DRD3: variants seen among roughly 807,000 people sequenced by gnomAD.
DRD3 encodes D(3) dopamine receptor.
Under a neutral mutation model 36.3 loss-of-function variants are expected in DRD3, and 19 were observed. The observed-to-expected ratio is 0.52, with a 90% CI of 0.36 to 0.77. The LOEUF (loss-of-function observed/expected upper bound fraction) is 0.77, where lower values mean the gene tolerates loss of function less well. Ranked by LOEUF, DRD3 falls within the 30% of genes least tolerant of loss-of-function variation. DRD3 has a pLI of 0.00. For missense variants in DRD3, 465 were observed against 505.3 expected (o/e 0.92, Z 0.77); for synonymous variants, 195 against 203.7 (o/e 0.96, Z 0.36).
At chr3:114,174,440 A>G (rs1218489705) in intron 1 of DRD3, among the ~76,000 whole-genome samples, 1 of 152,196 alleles carries the variant, frequency 6.6e-6, no homozygotes, top group African/African-American at 2.4e-5. Context: ...TACTCTGCCA[A>G]GAGGTTTGAC....
intron 2 of DRD3, among the ~76,000 whole-genome samples, chr3:114,171,165 T>C (rs1210585046): frequency 6.6e-6 from 1 of 152,206 alleles, no homozygotes; most frequent in Non-Finnish European, 1.5e-5. Flanking sequence ...TCTGTTCCTT[T>C]GGTAGCAGAG....
chr3:114,141,524 G>C (rs562349633), intron 4 of DRD3, among the ~76,000 whole-genome samples: 70 of 152,134 alleles, frequency 4.6e-4, no homozygotes, highest in African/African-American at 1.6e-3. Context: ...ATCTGAAATG[G>C]GAATTTGGAG....
intron 3 of DRD3, among the ~76,000 whole-genome samples, chr3:114,153,553 G>A (rs1287918798): frequency 3.3e-5 from 5 of 152,186 alleles, no homozygotes; most frequent in African/African-American, 1.2e-4. Flanking sequence ...TGAGGTAGTT[G>A]TTATTATCTC....
intron 1 of DRD3, among the ~76,000 whole-genome samples, chr3:114,185,850 A>G (rs2077972311): frequency 6.6e-6 from 1 of 151,958 alleles, no homozygotes; most frequent in Non-Finnish European, 1.5e-5. Flanking sequence ...TATTTTATTT[A>G]TTTATTTATA....
chr3:114,190,073 A>G (rs1487477386), intron 1 of DRD3, among the ~76,000 whole-genome samples: 1 of 152,086 alleles, frequency 6.6e-6, no homozygotes, highest in Non-Finnish European at 1.5e-5. Context: ...ATTCTTTTTG[A>G]AAATTCACTC....
chr3:114,171,621 TC>T, intron 2 of DRD3, 101 bp downstream of exon 2: 2 of 1,400,018 alleles, frequency 1.4e-6, no homozygotes. Context: ...CTTCCTCAGT[TC>T]CTGACTGTCT....
chr3:114,184,588 T>C (rs1315738294), intron 1 of DRD3, among the ~76,000 whole-genome samples: 1 of 152,012 alleles, frequency 6.6e-6, no homozygotes, highest in Non-Finnish European at 1.5e-5. Flanking sequence ...CCTTGAATAT[T>C]TCTTGCAGGG....
rs906308189 is a variant in DRD3 at position 114,128,513 on chromosome 3, T to C, written c.*203A>G. On this transcript the variant is annotated 3_prime_UTR_variant, in exon 7 of 7. Coordinates refer to ENST00000383673, the MANE Select transcript of DRD3 (RefSeq NM_000796.6). ...AAGCTCCCCAGTCATTTGAAGATTGTCAGAATGAAGTCAGATTTTAGCTGG... is the reference window on the plus strand; with the variant it reads ...AAGCTCCCCAGTCATTTGAAGATTGCCAGAATGAAGTCAGATTTTAGCTGG... The C allele has an allele frequency of 2.2e-6, 1 of 447,298 alleles. No homozygotes were observed. The highest frequency in any genetic ancestry group is 2.0e-5 in the African/African-American group (1 of 50,662). 27.7% of individuals were successfully genotyped at this position (447,298 alleles called of 1,614,324 possible).
intron 5 of DRD3, among the ~76,000 whole-genome samples, chr3:114,137,221 C>T (rs1047608005): frequency 6.6e-6 from 1 of 152,162 alleles, no homozygotes; most frequent in Non-Finnish European, 1.5e-5. Context: ...TCTCTATGAT[C>T]AGACATGGCC....
chr3:114,151,742 G>T (rs541672264), intron 3 of DRD3, among the ~76,000 whole-genome samples: 29 of 152,176 alleles, frequency 1.9e-4, no homozygotes, highest in Non-Finnish European at 4.0e-4. Context: ...TGAGCCCAAG[G>T]TTCTGCAGCA....
chr3:114,143,816 T>A (rs2077547927), intron 4 of DRD3, among the ~76,000 whole-genome samples: 1 of 152,250 alleles, frequency 6.6e-6, no homozygotes, highest in Non-Finnish European at 1.5e-5. Context: ...TTCTTAACTT[T>A]AAGTTTCTCC....
chr3:114,158,998 C>T (rs781122056), intron 3 of DRD3, among the ~76,000 whole-genome samples: 6 of 151,860 alleles, frequency 4.0e-5, no homozygotes, highest in Admixed American at 2.6e-4. Flanking sequence ...AAATCTCAGG[C>T]TCAGGCAGAG....
At chr3:114,137,862 A>T (rs1180460323) in intron 5 of DRD3, among the ~76,000 whole-genome samples, 1 of 150,082 alleles carries the variant, frequency 6.7e-6, no homozygotes, top group African/African-American at 2.4e-5. Context: ...GCCGGGCGTG[A>T]TGGTGGGCGC....
intron 3 of DRD3, among the ~76,000 whole-genome samples, chr3:114,154,325 ATG>A (rs139298505): frequency 4.4e-4 from 66 of 148,536 alleles, no homozygotes; most frequent in South Asian, 1.1e-3. Context: ...AGGGTGGGAG[ATG>A]TGTGTGTGTG....
intron 4 of DRD3, among the ~76,000 whole-genome samples, chr3:114,146,924 C>T (rs1282229240): frequency 6.6e-6 from 1 of 152,024 alleles, no homozygotes; most frequent in African/African-American, 2.4e-5. Flanking sequence ...AAAATATACT[C>T]TCCAGGAATT....
chr3:114,181,769 G>T (rs1326047292), upstream of DRD3, among the ~76,000 whole-genome samples: 1 of 152,192 alleles, frequency 6.6e-6, no homozygotes, highest in Non-Finnish European at 1.5e-5. Flanking sequence ...GATTTTGTTT[G>T]AAAGGAAATT....
At chr3:114,198,900 A>G (rs2078050685) in intron 1 of DRD3, among the ~76,000 whole-genome samples, 1 of 152,080 alleles carries the variant, frequency 6.6e-6, no homozygotes, top group Non-Finnish European at 1.5e-5. Flanking sequence ...CCACAATGCC[A>G]AGCTAATTTT....
At chr3:114,129,698 A>G (rs1258410732) in intron 6 of DRD3, among the ~76,000 whole-genome samples, 1 of 152,224 alleles carries the variant, frequency 6.6e-6, no homozygotes, top group East Asian at 1.9e-4. Context: ...GACACTGAAC[A>G]GGATGAACTG....
chr3:114,155,321 G>A (rs1178591098), intron 3 of DRD3, among the ~76,000 whole-genome samples: 3 of 152,034 alleles, frequency 2.0e-5, no homozygotes, highest in Non-Finnish European at 4.4e-5. Context: ...TCCATTTTGA[G>A]GCTTGGTGAG....
Sources: gnomAD v4.1 joint callset for allele counts (sites outside exome capture counted in the v4.1 genomes callset) on GRCh38, gnomAD v4.1.1 for gene constraint, MANE v1.5 for transcripts, NCBI Gene and HGNC (gene_info 2026-07-23, HGNC 2026-07-21) for gene names.